The following NAALADL2 variants were observed in gnomAD, a reference collection of about 807,000 sequenced individuals.
NAALADL2 encodes the protein N-acetylated alpha-linked acidic dipeptidase like 2.
Under a neutral mutation model 87.2 loss-of-function variants are expected in NAALADL2, and 76 were observed. The ratio of observed to expected loss-of-function variants is 0.87; its 90% CI spans 0.72 to 1.05. NAALADL2 has a LOEUF of 1.05. Ranked by LOEUF, NAALADL2 falls within the 50% of genes least tolerant of loss-of-function variation. NAALADL2 has a pLI of 0.00. For synonymous variants in NAALADL2, 354 were observed against 331.0 expected (o/e 1.07, Z -0.75); for missense variants, 1,089 against 945.8 (o/e 1.15, Z -1.99).
At chr3:175,604,822 G>C (rs1357358874) in intron 10 of NAALADL2, among the ~76,000 whole-genome samples, 2 of 152,144 alleles carry the variant, frequency 1.3e-5, no homozygotes, top group Non-Finnish European at 2.9e-5. Flanking sequence ...TTTTAGAAAA[G>C]TGGCTTCAAT....
At chr3:175,705,998 G>T (rs1166853753) in intron 11 of NAALADL2, among the ~76,000 whole-genome samples, 2 of 152,104 alleles carry the variant, frequency 1.3e-5, no homozygotes, top group African/African-American at 2.4e-5. Context: ...TAATAACCTT[G>T]TATTTGAAAT....
intron 12 of NAALADL2, among the ~76,000 whole-genome samples, chr3:175,742,747 C>T (rs969840764): frequency 6.6e-6 from 1 of 151,836 alleles, no homozygotes; most frequent in Non-Finnish European, 1.5e-5. Flanking sequence ...AATGAAAACC[C>T]AAAGAAAGAG....
intron 2 of NAALADL2, among the ~76,000 whole-genome samples, chr3:174,677,569 T>G (rs1425416575): frequency 6.6e-6 from 1 of 152,148 alleles, no homozygotes; most frequent in Non-Finnish European, 1.5e-5. Flanking sequence ...GAATAGTAAA[T>G]CATTGTGCCT....
chr3:175,005,688 G>T (rs1748914793), intron 1 of NAALADL2, among the ~76,000 whole-genome samples: 1 of 152,134 alleles, frequency 6.6e-6, no homozygotes, highest in Non-Finnish European at 1.5e-5. Context: ...TACTTTCACA[G>T]CATCTATTGA....
chr3:174,514,962 A>G (rs998008851), intron 1 of NAALADL2, among the ~76,000 whole-genome samples: 8 of 152,124 alleles, frequency 5.3e-5, no homozygotes, highest in Non-Finnish European at 8.8e-5. Flanking sequence ...AGTTGAGGTC[A>G]TAGAATACTC....
intron 5 of NAALADL2, among the ~76,000 whole-genome samples, chr3:175,350,763 C>T (rs770561177): frequency 6.6e-6 from 1 of 152,102 alleles, no homozygotes; most frequent in Non-Finnish European, 1.5e-5. Flanking sequence ...AACTGTCTCT[C>T]CTCCCTTTTA....
chr3:174,644,534 T>C (rs1051824072), intron 2 of NAALADL2, among the ~76,000 whole-genome samples: 5 of 152,140 alleles, frequency 3.3e-5, no homozygotes, highest in Non-Finnish European at 7.4e-5. Context: ...ATTTAAACCA[T>C]GTAGTTTAAA....
At chr3:175,498,873 A>T (rs1328613244) in intron 9 of NAALADL2, among the ~76,000 whole-genome samples, 1 of 152,108 alleles carries the variant, frequency 6.6e-6, no homozygotes, top group East Asian at 1.9e-4. Flanking sequence ...TTTGTGTGGC[A>T]GCCCTAGCAA....
intron 1 of NAALADL2, among the ~76,000 whole-genome samples, chr3:174,949,356 CT>C (rs1408637770): frequency 1.3e-5 from 2 of 152,142 alleles, no homozygotes; most frequent in Non-Finnish European, 2.9e-5. Context: ...CATAATATCA[CT>C]TCTGCCATGG....
At chr3:175,056,491 C>T (rs115098423) in intron 1 of NAALADL2, among the ~76,000 whole-genome samples, 3,121 of 152,202 alleles carry the variant, frequency 0.021, 48 homozygotes, top group Admixed American at 0.031. Flanking sequence ...TTCGAGCCCC[C>T]ACGTATGGGT....
chr3:175,150,199 G>A (rs1731343164), intron 2 of NAALADL2, among the ~76,000 whole-genome samples: 1 of 152,118 alleles, frequency 6.6e-6, no homozygotes, highest in South Asian at 2.1e-4. Context: ...AGATGCAAAT[G>A]TTTTGTTGCC....
At chr3:174,787,604 T>TATATATATATATATATATATACACAC (rs1268295230) in intron 3 of NAALADL2, among the ~76,000 whole-genome samples, 23 of 87,934 alleles carry the variant, frequency 2.6e-4, no homozygotes, top group South Asian at 5.0e-4. Context: ...TATATATATA[T>TATATATATATATATATATATACACAC]ATATATATAT....
chr3:174,930,189 A>G (rs1317616346), intron 1 of NAALADL2, among the ~76,000 whole-genome samples: 1 of 152,116 alleles, frequency 6.6e-6, no homozygotes, highest in Non-Finnish European at 1.5e-5. Context: ...AAAGTATTAG[A>G]ATTTGGAAGT....
chr3:174,608,914 A>G (rs1341625323), intron 2 of NAALADL2, among the ~76,000 whole-genome samples: 203 of 151,996 alleles, frequency 1.3e-3, no homozygotes, highest in Non-Finnish European at 2.5e-3. Flanking sequence ...AAAATCCTCA[A>G]TAAAATACTG....
chr3:174,652,146 G>T (rs1466272868), intron 2 of NAALADL2, among the ~76,000 whole-genome samples: 1 of 152,098 alleles, frequency 6.6e-6, no homozygotes, highest in Non-Finnish European at 1.5e-5. Flanking sequence ...TAGTATCCTC[G>T]CAGCACTCAG....
At chr3:175,522,354 A>G (rs1732769363) in intron 9 of NAALADL2, among the ~76,000 whole-genome samples, 1 of 152,210 alleles carries the variant, frequency 6.6e-6, no homozygotes, top group Non-Finnish European at 1.5e-5. Flanking sequence ...GGCTTAGCAT[A>G]TACAGTAGGA....
At position 175,309,024 on chromosome 3, in the gene NAALADL2, C is replaced by A. The variant is rs547745954; in HGVS notation, c.940-15151C>A. ...TATCCCTTAGCTGTTTGTATCTGTA[C>A]TCATCCTGTATAATTATACAATTAA... On this transcript the variant is annotated intron_variant, in intron 4 of 13. Transcript: ENST00000454872. Among the ~76,000 whole-genome samples, 22 of 152,220 alleles carry A rather than the reference C, an allele frequency of 1.4e-4. No homozygotes were observed. The East Asian group carries it at 4.2e-3, about 29-fold the overall frequency.
At chr3:175,732,643 G>A (rs1743928997) in intron 11 of NAALADL2, among the ~76,000 whole-genome samples, 1 of 152,136 alleles carries the variant, frequency 6.6e-6, no homozygotes. Context: ...GAGAAACACA[G>A]AAGTGTTGGG....
At position 175,124,979 on chromosome 3, in the gene NAALADL2, T is replaced by C. The variant is rs545699624; in HGVS notation, c.545+27688T>C. On this transcript the variant is annotated intron_variant, in intron 2 of 13. Coordinates refer to ENST00000454872, the MANE Select transcript of NAALADL2 (RefSeq NM_207015.3). Reference sequence around the variant, plus strand: ...CAATCTAGTGAGCAGTTTTCAAACATGGGTGAAATGAGTCAGAAAAATAAT... The same window carrying C: ...CAATCTAGTGAGCAGTTTTCAAACACGGGTGAAATGAGTCAGAAAAATAAT... 4.0e-5 allele frequency among the ~76,000 whole-genome samples: 6 copies of C among 151,882 alleles called. No individual in the cohort carries two copies. The East Asian group carries it at 1.2e-3, about 30-fold the overall frequency.
Sources: gnomAD v4.1 joint callset for allele counts (sites outside exome capture counted in the v4.1 genomes callset) on GRCh38, gnomAD v4.1.1 for gene constraint, MANE v1.5 for transcripts, NCBI Gene and HGNC (gene_info 2026-07-23, HGNC 2026-07-21) for gene names.